The following CACNA1C variants were observed in gnomAD, a reference collection of about 807,000 sequenced individuals.
The protein encoded by CACNA1C is voltage-dependent L-type calcium channel subunit alpha-1C.
CACNA1C carries 30 observed loss-of-function variants against 229.0 expected under a neutral mutation model. The observed-to-expected ratio is 0.13, with a 90% CI of 0.10 to 0.18. CACNA1C has a LOEUF of 0.18. Among genes scored for constraint, CACNA1C ranks in the 10% least tolerant of loss-of-function variants. The pLI, the probability that CACNA1C is intolerant of heterozygous loss-of-function variation, is 1.00. For synonymous variants in CACNA1C, 1,114 were observed against 1,132.5 expected (o/e 0.98, Z 0.33); for missense variants, 1,658 against 2,845.0 (o/e 0.58, Z 9.49).
intron 44 of CACNA1C, 50 bp downstream of exon 44, chr12:2,685,892 G>C (rs2097435757): frequency 1.5e-6 from 2 of 1,331,700 alleles, no homozygotes; most frequent in African/African-American, 2.9e-5. Flanking sequence ...ACTCCCTAGA[G>C]AACACTGGTC....
At chr12:2,321,652 A>G (rs1224656024) in intron 3 of CACNA1C, among the ~76,000 whole-genome samples, 3 of 152,198 alleles carry the variant, frequency 2.0e-5, no homozygotes, top group African/African-American at 7.2e-5. Flanking sequence ...AATTTCATAT[A>G]GCACTAGGTG....
At chr12:2,171,837 G>A (rs757008745) in intron 3 of CACNA1C, among the ~76,000 whole-genome samples, 32 of 152,288 alleles carry the variant, frequency 2.1e-4, no homozygotes, top group Non-Finnish European at 3.2e-4. Flanking sequence ...AGGCCTCCCC[G>A]AGGGAATTCC....
chr12:2,583,838 C>G (rs894932015), intron 15 of CACNA1C, among the ~76,000 whole-genome samples: 1 of 152,222 alleles, frequency 6.6e-6, no homozygotes, highest in South Asian at 2.1e-4. Context: ...TGCGGCTTCC[C>G]TGTGTGTGAA....
intron 5 of CACNA1C, among the ~76,000 whole-genome samples, chr12:2,483,071 A>G (rs576455861): frequency 2.8e-4 from 42 of 152,122 alleles, no homozygotes; most frequent in Non-Finnish European, 5.0e-4. Flanking sequence ...GTCCCTCCCC[A>G]CGTGCCTGAG....
chr12:2,270,243 C>T (rs2084273219), intron 3 of CACNA1C, among the ~76,000 whole-genome samples: 1 of 152,190 alleles, frequency 6.6e-6, no homozygotes, highest in Non-Finnish European at 1.5e-5. Context: ...TAAAGTATTC[C>T]ATCGTCAAGA....
At chr12:2,573,703 A>G (rs1271286856) in intron 13 of CACNA1C, among the ~76,000 whole-genome samples, 8 of 152,238 alleles carry the variant, frequency 5.3e-5, no homozygotes, top group Admixed American at 5.2e-4. Flanking sequence ...GAGCAGCTGG[A>G]TAGTGATAGC....
At chr12:2,652,366 A>G (rs943672252) in intron 32 of CACNA1C, among the ~76,000 whole-genome samples, 50 of 152,328 alleles carry the variant, frequency 3.3e-4, no homozygotes, top group African/African-American at 1.1e-3. Flanking sequence ...CAGAGTGACA[A>G]TCAGCCCCTG....
At chr12:2,441,853 C>G (rs11062230) in intron 3 of CACNA1C, among the ~76,000 whole-genome samples, 44,409 of 152,008 alleles carry the variant, frequency 0.29, 6,751 homozygotes, top group African/African-American at 0.38. Flanking sequence ...TAGGACCCTT[C>G]GACACTCAGC....
At chr12:2,210,035 T>C (rs1159757273) in intron 3 of CACNA1C, among the ~76,000 whole-genome samples, 2 of 152,214 alleles carry the variant, frequency 1.3e-5, no homozygotes, top group African/African-American at 4.8e-5. Flanking sequence ...AAAGAGATGC[T>C]TATCCTTTTC....
upstream of CACNA1C, among the ~76,000 whole-genome samples, chr12:2,050,068 T>C (rs971770397): frequency 6.6e-6 from 1 of 152,244 alleles, no homozygotes; most frequent in Non-Finnish European, 1.5e-5. Context: ...CTATAAATCC[T>C]GCACGTGACC....
chr12:2,539,266 T>C lies in CACNA1C; in HGVS notation c.1391-10677T>C, dbSNP rs1395523815. ...GGACTTAAGGAGGGCTTCATAAAGA[T>C]GCAGGCAGGGTTTAAGGACTTAAGG... On this transcript the variant is annotated intron_variant, in intron 9 of 46. Transcript: ENST00000399655. 9.0e-5 allele frequency among the ~76,000 whole-genome samples: 12 copies of C among 132,968 alleles called. No homozygotes were observed. The East Asian group carries it at 2.6e-3, about 29-fold the overall frequency. 87.2% of individuals were successfully genotyped at this position (132,968 alleles called of 152,430 possible). A position where few individuals can be genotyped will look rare whatever the true frequency, so the allele number is the denominator to read the frequency against.
chr12:2,606,173 G>A (rs1439345217), intron 24 of CACNA1C, among the ~76,000 whole-genome samples: 2 of 152,176 alleles, frequency 1.3e-5, no homozygotes, highest in Non-Finnish European at 2.9e-5. Context: ...CCCTGCACCT[G>A]TCAAAGTCAG....
intron 3 of CACNA1C, among the ~76,000 whole-genome samples, chr12:2,332,417 T>G (rs1015512144): frequency 1.3e-5 from 2 of 152,144 alleles, no homozygotes; most frequent in African/African-American, 2.4e-5. Flanking sequence ...GGACAAGCCA[T>G]TGAAGGAGAG....
rs769311014 is a variant in CACNA1C, at chr12:2,630,303, T to C, written c.3829-3994T>C. On this transcript the variant is annotated intron_variant, in intron 29 of 46. Transcript: ENST00000399655. This position sits in a 1 kb window ranked among gnomAD's most constrained non-coding sequence, Gnocchi z 5.4. ...TCCATTACACCCTTAAAACCCCTAT[T>C]ACTAATGGTTTCCAGCAACCGAGGG... Among the ~76,000 whole-genome samples, 3 of 151,998 alleles carry C rather than the reference T, an allele frequency of 2.0e-5. No homozygotes were observed. Among genetic ancestry groups the C allele is most frequent in the Non-Finnish European group, 4.4e-5 (3 of 67,986 alleles).
intron 3 of CACNA1C, among the ~76,000 whole-genome samples, chr12:2,122,707 G>C (rs867421812): frequency 4.6e-5 from 7 of 152,150 alleles, no homozygotes; most frequent in African/African-American, 1.7e-4. Flanking sequence ...CTCTCCCTTT[G>C]GGGAGCTCAT....
intron 9 of CACNA1C, among the ~76,000 whole-genome samples, chr12:2,515,761 AAGG>A (rs2099795362): frequency 6.6e-6 from 1 of 152,208 alleles, no homozygotes; most frequent in South Asian, 2.1e-4. Context: ...AAAAGCCACC[AAGG>A]AGTAGAAAAA....
At chr12:2,450,321 A>G (rs7139013) in intron 4 of CACNA1C, among the ~76,000 whole-genome samples, 4,074 of 152,078 alleles carry the variant, frequency 0.027, 168 homozygotes, top group African/African-American at 0.086. Context: ...TTGGGAGGCC[A>G]AGGCGGGCGG....
intron 3 of CACNA1C, among the ~76,000 whole-genome samples, chr12:2,204,168 A>G (rs938581492): frequency 6.6e-6 from 1 of 151,846 alleles, no homozygotes; most frequent in Non-Finnish European, 1.5e-5. Context: ...ATGGTATCTC[A>G]TTGTGGTTTT....
At chr12:2,553,177 A>G (rs1346775720) in intron 10 of CACNA1C, among the ~76,000 whole-genome samples, 1 of 152,194 alleles carries the variant, frequency 6.6e-6, no homozygotes, top group Non-Finnish European at 1.5e-5. Flanking sequence ...TCTGGGCCTC[A>G]GCCTCGTCCT....
Sources: allele counts gnomAD v4.1 joint callset (sites outside exome capture counted in the v4.1 genomes callset), GRCh38; gene constraint gnomAD v4.1.1; non-coding constraint Gnocchi (gnomAD v3.1); transcripts MANE v1.5; gene names NCBI Gene and HGNC (gene_info 2026-07-23, HGNC 2026-07-21).